Variants in TMSB15B observed in about 807,000 individuals in gnomAD.
The protein encoded by TMSB15B is thymosin beta 15B.
intron 1 of TMSB15B, among the ~76,000 whole-genome samples, chrX:103,950,988 G>A (rs1459660028): frequency 9.0e-6 from 1 of 111,535 alleles, no homozygotes; most frequent in Non-Finnish European, 1.9e-5. Context: ...CACACACTGA[G>A]TGGCTTAAAC....
At position 103,922,087 on chromosome X, in the gene TMSB15B, T is replaced by C. The variant is rs1231716591; in HGVS notation, c.-721+2795T>C. On this transcript the variant is annotated intron_variant, in intron 1 of 3. Transcript: ENST00000419165. ...TCCTATTATCTCTCTCTCTCTCTCTTTTTTTTTTTTTTGAGACGGAGTCTC... is the reference window on the plus strand; with the variant it reads ...TCCTATTATCTCTCTCTCTCTCTCTCTTTTTTTTTTTTGAGACGGAGTCTC... Among the ~76,000 whole-genome samples the C allele has an allele frequency of 1.2e-4, 13 of 104,657 alleles. No individual in the cohort carries two copies. In the South Asian group the frequency reaches 2.1e-3, roughly 17 times the overall value. 90.9% of individuals were successfully genotyped at this position (104,657 alleles called of 115,157 possible).
intron 1 of TMSB15B, among the ~76,000 whole-genome samples, chrX:103,945,219 G>A (rs372444011): frequency 7.1e-5 from 8 of 112,249 alleles, no homozygotes; most frequent in South Asian, 3.7e-4. Flanking sequence ...GCTTGTCTTC[G>A]TCCATTTTGT....
intron 1 of TMSB15B, chrX:103,928,653 C>A: frequency 8.7e-7 from 1 of 1,154,987 alleles, no homozygotes; most frequent in Non-Finnish European, 1.2e-6. Flanking sequence ...CCAGGAACAG[C>A]CTGGGGAGCA....
chrX:103,939,291 C>T (rs2075006521), intron 1 of TMSB15B, among the ~76,000 whole-genome samples: 2 of 111,089 alleles, frequency 1.8e-5, no homozygotes, highest in Admixed American at 9.6e-5. Context: ...TCAGGTCCAC[C>T]GATCAAACAT....
At chrX:103,933,834 C>CTT (rs371065088) in intron 1 of TMSB15B, among the ~76,000 whole-genome samples, 3 of 97,245 alleles carry the variant, frequency 3.1e-5, no homozygotes, top group Admixed American at 1.1e-4. Context: ...CTTTTTCTCT[C>CTT]TTTTTTTTTT....
chrX:103,922,689 C>T (rs1556318036), intron 1 of TMSB15B, among the ~76,000 whole-genome samples: 1 of 111,501 alleles, frequency 9.0e-6, no homozygotes, highest in African/African-American at 3.3e-5. Context: ...GTCTTTATAG[C>T]AGCATGATTT....
intron 1 of TMSB15B, among the ~76,000 whole-genome samples, chrX:103,930,449 A>G (rs1189092677): frequency 9.0e-6 from 1 of 110,915 alleles, no homozygotes; most frequent in Non-Finnish European, 1.9e-5. Flanking sequence ...GTGTTCTTGT[A>G]TTCTTCAATA....
intron 1 of TMSB15B, chrX:103,928,299 A>G: frequency 8.3e-7 from 1 of 1,204,724 alleles, no homozygotes; most frequent in Non-Finnish European, 1.1e-6. Context: ...GCTGTGAGAC[A>G]CTTTGGCACG....
intron 1 of TMSB15B, among the ~76,000 whole-genome samples, chrX:103,946,456 T>C (rs1368004257): frequency 4.5e-5 from 5 of 112,335 alleles, no homozygotes; most frequent in Non-Finnish European, 9.4e-5. Flanking sequence ...TTCCCAACAA[T>C]ATTCCATTTG....
intron 1 of TMSB15B, among the ~76,000 whole-genome samples, chrX:103,920,365 A>G (rs1313517726): frequency 2.0e-4 from 22 of 111,962 alleles, no homozygotes; most frequent in African/African-American, 5.8e-4. Flanking sequence ...GACTACAGGT[A>G]AAGAGTGTGA....
intron 1 of TMSB15B, among the ~76,000 whole-genome samples, chrX:103,929,767 T>A (rs2074979248): frequency 9.0e-6 from 1 of 111,714 alleles, no homozygotes; most frequent in Admixed American, 9.5e-5. Context: ...GGTGATAACA[T>A]TGCCCAGAAA....
At chrX:103,949,654 G>A (rs2075034319) in intron 1 of TMSB15B, among the ~76,000 whole-genome samples, 1 of 112,268 alleles carries the variant, frequency 8.9e-6, no homozygotes, top group African/African-American at 3.2e-5. Flanking sequence ...CAGGAGTTCT[G>A]CCTATGACAT....
intron 1 of TMSB15B, among the ~76,000 whole-genome samples, chrX:103,937,105 AC>A (rs2075000212): frequency 8.9e-6 from 1 of 112,189 alleles, no homozygotes; most frequent in African/African-American, 3.2e-5. Context: ...ATTGATGTTC[AC>A]TAGGGATATT....
At chrX:103,946,343 A>G (rs782223869) in intron 1 of TMSB15B, among the ~76,000 whole-genome samples, 1 of 112,252 alleles carries the variant, frequency 8.9e-6, no homozygotes, top group Non-Finnish European at 1.9e-5. Flanking sequence ...CACTGAAAAC[A>G]TGGTCCTGAG....
intron 1 of TMSB15B, among the ~76,000 whole-genome samples, chrX:103,920,789 G>C (rs1264939284): frequency 1.8e-5 from 2 of 112,088 alleles, no homozygotes; most frequent in Non-Finnish European, 3.8e-5. Flanking sequence ...GCCCTTCTGT[G>C]AGCTCTTCAG....
chrX:103,941,200 T>C (rs1480822932), intron 1 of TMSB15B, among the ~76,000 whole-genome samples: 11 of 112,355 alleles, frequency 9.8e-5, no homozygotes, highest in African/African-American at 3.6e-4. Flanking sequence ...TATAGCTCAA[T>C]GCTATTAAAA....
intron 1 of TMSB15B, among the ~76,000 whole-genome samples, chrX:103,952,016 A>G (rs1347455422): frequency 4.5e-5 from 5 of 111,249 alleles, no homozygotes; most frequent in Non-Finnish European, 9.4e-5. Flanking sequence ...AGTTGAGGAC[A>G]ATGTCATGGA....
intron 1 of TMSB15B, chrX:103,928,841 C>T: frequency 8.3e-7 from 1 of 1,202,228 alleles, no homozygotes; most frequent in Non-Finnish European, 1.1e-6. Context: ...CAGAACATGC[C>T]AAGCCTGTGG....
intron 1 of TMSB15B, among the ~76,000 whole-genome samples, chrX:103,944,009 G>A (rs1398515807): frequency 1.8e-5 from 2 of 111,789 alleles, no homozygotes; most frequent in Non-Finnish European, 3.8e-5. Context: ...CATGTGATCC[G>A]ACTTCTTCAT....
Sources: gnomAD v4.1 joint callset for allele counts (sites outside exome capture counted in the v4.1 genomes callset) on GRCh38, gnomAD v4.1.1 for gene constraint, MANE v1.5 for transcripts, NCBI Gene and HGNC (gene_info 2026-07-23, HGNC 2026-07-21) for gene names.